Variants in ADAMTS7 observed in about 807,000 individuals in gnomAD.
The protein encoded by ADAMTS7 is A disintegrin and metalloproteinase with thrombospondin motifs 7.
ADAMTS7 carries 89 observed loss-of-function variants against 172.6 expected under a neutral mutation model. The ratio of observed to expected loss-of-function variants is 0.52; its 90% CI spans 0.43 to 0.61. ADAMTS7 has a LOEUF of 0.61. ADAMTS7 is among the 20% of genes least tolerant of loss of function. ADAMTS7 has a pLI of 0.00. For synonymous variants in ADAMTS7, 885 were observed against 978.4 expected (o/e 0.90, Z 1.78); for missense variants, 1,973 against 2,355.6 (o/e 0.84, Z 3.36).
At position 78,759,534 on chromosome 15, in the gene ADAMTS7, G is replaced by A. The variant is rs756123523; in HGVS notation, c.4948C>T (p.Arg1650Cys). 10 of 1,594,974 alleles carry A rather than the reference G, an allele frequency of 6.3e-6. No homozygotes were observed. Among genetic ancestry groups the A allele is most frequent in the South Asian group, 1.1e-5 (1 of 89,684 alleles). The change falls in exon 24 of 24, where the codon CGC (arginine) becomes TGC (cysteine). Residue 1650 changes from arginine to cysteine, a missense_variant. Physicochemically the swap from Arg to Cys is radical, Grantham distance 180 (BLOSUM62 -3). This residue lies in a region of ADAMTS7 where 94 missense variants were observed against 95.4 expected (regional missense o/e 0.99). Coordinates refer to ENST00000388820, the MANE Select transcript of ADAMTS7 (RefSeq NM_014272.5). Reference protein sequence around the residue: ...RLSFGFCETLRLLGRCQLPTI... With the variant: ...RLSFGFCETLCLLGRCQLPTI... ...GGCAGCTGGCAGCGGCCCAGTAGGCGCAGCGTCTCGCAGAACCCGAAGGAC... is the reference window on the plus strand; with the variant it reads ...GGCAGCTGGCAGCGGCCCAGTAGGCACAGCGTCTCGCAGAACCCGAAGGAC...
intron 8 of ADAMTS7, among the ~76,000 whole-genome samples, chr15:78,781,104 G>C (rs2055421449): frequency 6.6e-6 from 1 of 152,228 alleles, no homozygotes; most frequent in Non-Finnish European, 1.5e-5. Flanking sequence ...GGAAGCCAAA[G>C]GGCTTCAGGA....
chr15:78,783,917 C>A (rs143302064), intron 8 of ADAMTS7, among the ~76,000 whole-genome samples: 3 of 151,198 alleles, frequency 2.0e-5, no homozygotes, highest in Non-Finnish European at 4.4e-5. Context: ...AAAAAAAATC[C>A]AAAATCTAAA....
intron 8 of ADAMTS7, among the ~76,000 whole-genome samples, chr15:78,778,488 T>C (rs1051813960): frequency 1.3e-5 from 2 of 152,208 alleles, no homozygotes; most frequent in African/African-American, 4.8e-5. Context: ...AGGAGTGCCC[T>C]GGCATGCTGA....
At chr15:78,797,845 TA>T in intron 3 of ADAMTS7, 102 bp downstream of exon 3, 1 of 1,333,292 alleles carries the variant, frequency 7.5e-7, no homozygotes, top group South Asian at 1.3e-5. Context: ...TCATCTGGTC[TA>T]AGGGGCACTG....
intron 23 of ADAMTS7, chr15:78,761,857 C>A: frequency 1.0e-6 from 1 of 985,392 alleles, no homozygotes; most frequent in Non-Finnish European, 1.2e-6. Context: ...GGAAACCCCC[C>A]ACCACTGGGA....
At chr15:78,787,220 T>C (rs1214992935) in intron 8 of ADAMTS7, among the ~76,000 whole-genome samples, 2 of 151,864 alleles carry the variant, frequency 1.3e-5, no homozygotes, top group African/African-American at 4.8e-5. Context: ...CGAGTTCTTC[T>C]GGGGTCAGCT....
At chr15:78,791,331 C>G in intron 4 of ADAMTS7, 108 bp from the exon 5 acceptor site, 1 of 822,674 alleles carries the variant, frequency 1.2e-6, no homozygotes, top group South Asian at 1.7e-5. Flanking sequence ...CCTGTGCTCA[C>G]ACACAGGGAC....
At chr15:78,768,446 C>T (rs2055196083) in intron 16 of ADAMTS7, among the ~76,000 whole-genome samples, 187 bp from the exon 17 acceptor site, 1 of 152,174 alleles carries the variant, frequency 6.6e-6, no homozygotes, top group South Asian at 2.1e-4. Flanking sequence ...CTGGTTCTCA[C>T]CCGCCCCCTC....
rs765146509 is a variant in ADAMTS7 at position 78,762,438 on chromosome 15, C to G, written c.4868G>C (p.Cys1623Ser). 1.3e-6 allele frequency: 2 copies of G among 1,540,924 alleles called. No homozygotes were observed. Among genetic ancestry groups the G allele is most frequent in the Admixed American group, 3.9e-5 (2 of 51,506 alleles). The change falls in exon 23 of 24, where the codon TGT becomes TCT. Residue 1623 changes from cysteine (C) to serine (S), a missense_variant. Cys to Ser is a moderately radical substitution (Grantham distance 112, BLOSUM62 -1). Coordinates refer to ENST00000388820, the MANE Select transcript of ADAMTS7 (RefSeq NM_014272.5). ...GACGGGCTCACAATCCTCGGTGCCA[C>G]ACGGCCGGGAGCTCTCAGGCCAGGC... Reference protein sequence around the residue: ...HEAWPESSRPCGTEDCEPVEP... With the variant: ...HEAWPESSRPSGTEDCEPVEP...
At chr15:78,770,974 A>G (rs2055238519) in intron 16 of ADAMTS7, 188 bp downstream of exon 16, 2 of 789,944 alleles carry the variant, frequency 2.5e-6, no homozygotes, top group Non-Finnish European at 2.0e-6. Flanking sequence ...TGCCTCATCC[A>G]TGTACCCTCC....
intron 23 of ADAMTS7, among the ~76,000 whole-genome samples, chr15:78,761,336 T>C (rs1316069114): frequency 1.3e-5 from 2 of 152,192 alleles, no homozygotes; most frequent in Admixed American, 6.5e-5. Flanking sequence ...GACTCTGTCC[T>C]AGGGGCAGGG....
intron 23 of ADAMTS7, among the ~76,000 whole-genome samples, chr15:78,759,989 C>T (rs186146631): frequency 1.4e-3 from 210 of 151,198 alleles, no homozygotes; most frequent in African/African-American, 4.8e-3. Context: ...GGCCTCTGCC[C>T]CCGACTCCCG....
At chr15:78,782,134 C>A (rs2055436488) in intron 8 of ADAMTS7, among the ~76,000 whole-genome samples, 1 of 151,940 alleles carries the variant, frequency 6.6e-6, no homozygotes. Flanking sequence ...CAGGTTCAAG[C>A]AATTCTCCTG....
At position 78,797,952 on chromosome 15, in the gene ADAMTS7, C is replaced by T. The variant is rs762978875; in HGVS notation, c.618G>A (p.Val206=). Residue 206 remains valine (V), a synonymous_variant, in exon 3 of 24, where the codon GTG becomes GTA. Transcript: ENST00000388820. The stretch of plus-strand genomic sequence containing the variant: ...ACTGGGAGCAGAAGAGCATACCTTG[C>T]ACTCCACAGGTGCTTGGAGCACTGG... ...GDSSAPSTCG[V]QVYPELESRR... The T allele has an allele frequency of 6.2e-5, 99 of 1,600,082 alleles. 1 individual carries two copies. Among genetic ancestry groups the T allele is most frequent in the Non-Finnish European group, 8.0e-5 (94 of 1,175,036 alleles).
intron 1 of ADAMTS7, among the ~76,000 whole-genome samples, chr15:78,809,136 A>G (rs1304933453): frequency 6.6e-6 from 1 of 152,198 alleles, no homozygotes; most frequent in African/African-American, 2.4e-5. Context: ...CATGTGCCAT[A>G]CGGCATGAGG....
At chr15:78,788,811 G>C (rs2055541100) in intron 7 of ADAMTS7, among the ~76,000 whole-genome samples, 1 of 152,232 alleles carries the variant, frequency 6.6e-6, no homozygotes, top group Admixed American at 6.5e-5. Context: ...ATCACAGAAA[G>C]GTCTCCAGAG....
intron 8 of ADAMTS7, among the ~76,000 whole-genome samples, chr15:78,786,862 T>C (rs1468988098): frequency 2.6e-5 from 4 of 152,184 alleles, no homozygotes; most frequent in Non-Finnish European, 5.9e-5. Context: ...ACATGTGGAT[T>C]TTTTTTCACC....
chr15:78,768,660 G>A (rs8043119), intron 16 of ADAMTS7, among the ~76,000 whole-genome samples: 44,300 of 152,158 alleles, frequency 0.29, 8,058 homozygotes, highest in Non-Finnish European at 0.42. Flanking sequence ...GTTCTTGCAT[G>A]TGCAGGCTCA....
At chr15:78,792,973 T>C (rs922309798) in intron 4 of ADAMTS7, among the ~76,000 whole-genome samples, 1 of 152,144 alleles carries the variant, frequency 6.6e-6, no homozygotes, top group Non-Finnish European at 1.5e-5. Context: ...AATTGGGGTC[T>C]GTAGGTAGCA....
Sources: gnomAD v4.1 joint callset for allele counts (sites outside exome capture counted in the v4.1 genomes callset) on GRCh38, gnomAD v4.1.1 for gene constraint, gnomAD v4.1.1 regional missense constraint, MANE v1.5 for transcripts, NCBI Gene and HGNC (gene_info 2026-07-23, HGNC 2026-07-21) for gene names.